PAPPA: variants seen among roughly 807,000 people sequenced by gnomAD.
The protein encoded by PAPPA is pappalysin 1.
PAPPA carries 60 observed loss-of-function variants against 164.0 expected under a neutral mutation model. The ratio of observed to expected loss-of-function variants is 0.37; its 90% confidence interval spans 0.30 to 0.45. The LOEUF (loss-of-function observed/expected upper bound fraction) is 0.45, where lower values mean the gene tolerates loss of function less well. PAPPA is among the 20% of genes least tolerant of loss of function. The pLI, the probability that PAPPA is intolerant of heterozygous loss-of-function variation, is 1.00. For missense variants in PAPPA, 1,782 were observed against 2,087.3 expected (o/e 0.85, Z 2.85); for synonymous variants, 875 against 814.1 (o/e 1.07, Z -1.27).
chr9:116,254,386 C>T (rs1004604306), intron 7 of PAPPA, among the ~76,000 whole-genome samples: 1 of 152,174 alleles, frequency 6.6e-6, no homozygotes, highest in South Asian at 2.1e-4. Flanking sequence ...TCTGGGTTTA[C>T]TTGTCAGTCT....
At chr9:116,297,959 G>C (rs745322939) in intron 9 of PAPPA, among the ~76,000 whole-genome samples, 3 of 152,194 alleles carry the variant, frequency 2.0e-5, no homozygotes, top group Non-Finnish European at 4.4e-5. Flanking sequence ...CTGAGGCATA[G>C]GGAGGTGAAA....
At chr9:116,216,983 G>A (rs1054849083) in intron 4 of PAPPA, among the ~76,000 whole-genome samples, 3 of 151,916 alleles carry the variant, frequency 2.0e-5, no homozygotes, top group East Asian at 1.9e-4. Flanking sequence ...CTCGTGATCC[G>A]CCCACCTTGG....
intron 7 of PAPPA, among the ~76,000 whole-genome samples, chr9:116,253,429 A>G (rs1300746062): frequency 6.6e-6 from 1 of 152,192 alleles, no homozygotes; most frequent in African/African-American, 2.4e-5. Context: ...TTGGGCCACA[A>G]TCACAACAAA....
chr9:116,339,454 C>A (rs199721556), intron 13 of PAPPA, among the ~76,000 whole-genome samples: 2 of 152,120 alleles, frequency 1.3e-5, no homozygotes, highest in Non-Finnish European at 2.9e-5. Flanking sequence ...AATACACTGG[C>A]GCCTAGAAAT....
At chr9:116,168,589 G>T (rs964019160) in intron 1 of PAPPA, among the ~76,000 whole-genome samples, 1 of 152,220 alleles carries the variant, frequency 6.6e-6, no homozygotes, top group Non-Finnish European at 1.5e-5. Flanking sequence ...AAGTGAATGT[G>T]TATGTATGTA....
At chr9:116,370,185 A>C (rs534239669) in intron 19 of PAPPA, among the ~76,000 whole-genome samples, 1 of 152,266 alleles carries the variant, frequency 6.6e-6, no homozygotes, top group South Asian at 2.1e-4. Flanking sequence ...GTGAGAGGCA[A>C]GAACTGGCAT....
At chr9:116,323,037 C>T (rs1426157006) in intron 10 of PAPPA, among the ~76,000 whole-genome samples, 1 of 152,180 alleles carries the variant, frequency 6.6e-6, no homozygotes, top group South Asian at 2.1e-4. Context: ...TCAATGGAAA[C>T]CTCATGGCAT....
At chr9:116,323,506 T>G (rs1845885052) in intron 10 of PAPPA, among the ~76,000 whole-genome samples, 1 of 152,208 alleles carries the variant, frequency 6.6e-6, no homozygotes, top group South Asian at 2.1e-4. Flanking sequence ...GACAAAGGAT[T>G]TCCCCAGCTA....
chr9:116,362,857 A>G, intron 18 of PAPPA, 118 bp downstream of exon 18: 1 of 925,394 alleles, frequency 1.1e-6, no homozygotes, highest in Non-Finnish European at 1.6e-6. Flanking sequence ...TAGGCACTAC[A>G]GAAAGAGAGA....
intron 7 of PAPPA, among the ~76,000 whole-genome samples, chr9:116,255,540 G>A (rs539693980): frequency 1.3e-5 from 2 of 152,082 alleles, no homozygotes; most frequent in South Asian, 4.2e-4. Flanking sequence ...GGCAAGACAT[G>A]CAAGAAATAA....
intron 2 of PAPPA, among the ~76,000 whole-genome samples, chr9:116,190,638 G>A (rs1053245793): frequency 6.6e-6 from 1 of 152,246 alleles, no homozygotes; most frequent in Admixed American, 6.5e-5. Context: ...GTGTATCATT[G>A]AGACAGGATG....
At chr9:116,233,166 T>C (rs922847448) in intron 6 of PAPPA, among the ~76,000 whole-genome samples, 1 of 152,236 alleles carries the variant, frequency 6.6e-6, no homozygotes, top group Admixed American at 6.5e-5. Flanking sequence ...GAATACTCTA[T>C]GGACTAGGCA....
intron 1 of PAPPA, among the ~76,000 whole-genome samples, chr9:116,155,448 T>C (rs942601141): frequency 6.6e-6 from 1 of 152,176 alleles, no homozygotes; most frequent in Non-Finnish European, 1.5e-5. Context: ...TCTGTGGAAA[T>C]GCCTTTAATA....
At chr9:116,352,571 G>T in intron 15 of PAPPA, 135 bp from the exon 16 acceptor site, 1 of 723,442 alleles carries the variant, frequency 1.4e-6, no homozygotes, top group Non-Finnish European at 2.5e-6. Flanking sequence ...CTCCTCAGTT[G>T]GAAGTAGAAG....
intron 5 of PAPPA, among the ~76,000 whole-genome samples, chr9:116,220,698 C>T (rs1245499151): frequency 6.6e-6 from 1 of 151,594 alleles, no homozygotes; most frequent in African/African-American, 2.4e-5. Flanking sequence ...ACCAGCCTGA[C>T]CAACACAGTG....
At position 116,382,653 on chromosome 9, in the gene PAPPA, G is replaced by C. The variant is rs1846747964; in HGVS notation, c.4776+160G>C. Among the ~76,000 whole-genome samples, 5 of 152,144 alleles carry C rather than the reference G, an allele frequency of 3.3e-5. No individual in the cohort carries two copies. In the South Asian group the frequency reaches 1.0e-3, roughly 32 times the overall value. On this transcript the variant is annotated intron_variant, in intron 21 of 21. Transcript: ENST00000328252. ...TTAATTTTTATTCTTTTGGTCAGTA[G>C]TTGAACTAATATCATAGGCTGGGCC...
At chr9:116,379,620 A>G (rs1457504410) in intron 20 of PAPPA, among the ~76,000 whole-genome samples, 1 of 152,154 alleles carries the variant, frequency 6.6e-6, no homozygotes, top group Admixed American at 6.5e-5. Context: ...TCTATATTTG[A>G]TAAAGTTTTG....
At chr9:116,264,391 T>C (rs1845041306) in intron 7 of PAPPA, among the ~76,000 whole-genome samples, 1 of 152,238 alleles carries the variant, frequency 6.6e-6, no homozygotes, top group South Asian at 2.1e-4. Context: ...GGATTTTTGG[T>C]CTACCCACAA....
intron 2 of PAPPA, among the ~76,000 whole-genome samples, chr9:116,198,106 T>C (rs1844128774): frequency 6.6e-6 from 1 of 152,154 alleles, no homozygotes; most frequent in Admixed American, 6.5e-5. Flanking sequence ...CTCAGTGTGG[T>C]CAGTTGTGTT....
Sources: gnomAD v4.1 joint callset for allele counts (sites outside exome capture counted in the v4.1 genomes callset) on GRCh38, gnomAD v4.1.1 for gene constraint, MANE v1.5 for transcripts, NCBI Gene and HGNC (gene_info 2026-07-23, HGNC 2026-07-21) for gene names.